The following KCTD18 variants were observed in gnomAD, a reference collection of about 807,000 sequenced individuals.
KCTD18 encodes BTB/POZ domain-containing protein KCTD18.
Under a neutral mutation model 30.4 loss-of-function variants are expected in KCTD18, and 22 were observed. The ratio of observed to expected loss-of-function variants is 0.72; its 90% CI spans 0.52 to 1.03. The LOEUF is 1.03. KCTD18 is among the 50% of genes least tolerant of loss of function. KCTD18 has a pLI of 0.00. For missense variants in KCTD18, 529 were observed against 547.6 expected (o/e 0.97, Z 0.34); for synonymous variants, 186 against 209.0 (o/e 0.89, Z 0.95).
intron 5 of KCTD18, chr2:200,496,656 G>C (rs13426833): frequency 2.6e-5 from 4 of 151,948 alleles, no homozygotes; most frequent in Non-Finnish European, 5.9e-5. Context: ...CACCATGCCC[G>C]GCTAATTTTT....
At chr2:200,499,506 C>A (rs537904087) in intron 3 of KCTD18, among the ~76,000 whole-genome samples, 1 of 152,078 alleles carries the variant, frequency 6.6e-6, no homozygotes, top group Non-Finnish European at 1.5e-5. Context: ...AACACCTCTA[C>A]GCAAATAAAC....
chr2:200,489,575 C>G lies in KCTD18; in HGVS notation c.*525G>C, dbSNP rs2087872838. On this transcript the variant is annotated 3_prime_UTR_variant, in exon 7 of 7. Coordinates refer to ENST00000359878, the MANE Select transcript of KCTD18 (RefSeq NM_152387.4). Reference sequence around the variant, plus strand: ...TTCAATCTATGGGGTTTTTTCCTCCCCATCATTTCTTTTCACGTTGCCTTT... The same window carrying G: ...TTCAATCTATGGGGTTTTTTCCTCCGCATCATTTCTTTTCACGTTGCCTTT... The G allele has an allele frequency of 6.6e-6, 1 of 152,170 alleles. No individual in the cohort carries two copies. Among genetic ancestry groups the G allele is most frequent in the African/African-American group, 2.4e-5 (1 of 41,376 alleles). 9.4% of individuals were successfully genotyped at this position (152,170 alleles called of 1,614,324 possible). A position where few individuals can be genotyped will look rare whatever the true frequency, so the allele number is the denominator to read the frequency against.
At chr2:200,506,079 C>T (rs2106285186) in intron 2 of KCTD18, among the ~76,000 whole-genome samples, 1 of 152,272 alleles carries the variant, frequency 6.6e-6, no homozygotes, top group Non-Finnish European at 1.5e-5. Context: ...ATTTAACCAG[C>T]AAAGCAACCT....
chr2:200,499,824 CA>C (rs1423176263), intron 3 of KCTD18, among the ~76,000 whole-genome samples: 1 of 149,080 alleles, frequency 6.7e-6, no homozygotes, highest in African/African-American at 2.5e-5. Flanking sequence ...GAGACACAAC[CA>C]AAAAAGAGAA....
chr2:200,493,157 C>T lies in KCTD18; in HGVS notation c.764+15G>A. The T allele has an allele frequency of 6.7e-7, 1 of 1,497,952 alleles. No individual in the cohort carries two copies. The highest frequency in any genetic ancestry group is 9.3e-7 in the Non-Finnish European group (1 of 1,074,156). The allele number at this position is 1,497,952 out of a possible 1,614,324, so 92.8% of individuals were successfully genotyped here. On this transcript the variant is annotated intron_variant, in intron 6 of 6. Transcript: ENST00000359878. ...TTAAAAAAACAAAACAAATAAACAA[C>T]ACAGCATAGATAACCTCTTTCGAAT...
At chr2:200,493,433 T>C (rs947791628) in intron 5 of KCTD18, among the ~76,000 whole-genome samples, 159 bp from the exon 6 acceptor site, 1 of 152,192 alleles carries the variant, frequency 6.6e-6, no homozygotes, top group Non-Finnish European at 1.5e-5. Flanking sequence ...CACGAGGAGC[T>C]AGGGCCAGGG....
chr2:200,500,194 G>A (rs1030759789), intron 3 of KCTD18, among the ~76,000 whole-genome samples: 1 of 150,588 alleles, frequency 6.6e-6, no homozygotes, highest in African/African-American at 2.4e-5. Context: ...GGCAAAAACT[G>A]GAAGCATTCC....
At position 200,490,220 on chromosome 2, in the gene KCTD18, G is replaced by A. The variant is rs375312064; in HGVS notation, c.1161C>T (p.Thr387=). ...IKLKRTPLCA[T]APCLPSPTAT... ...CCGTGGGGGAGGGCAGGCAAGGCGC[G>A]GTGGCGCACAGCGGAGTCCTCTTCA... is the stretch of plus-strand genomic sequence containing the variant. Residue 387 remains threonine (T), a synonymous_variant, in exon 7 of 7, where the codon ACC becomes ACT. Coordinates refer to ENST00000359878, the MANE Select transcript of KCTD18 (RefSeq NM_152387.4). 17 of 1,580,272 alleles carry A rather than the reference G, an allele frequency of 1.1e-5. No individual in the cohort carries two copies. In the African/African-American group the frequency reaches 1.6e-4, roughly 15 times the overall value.
chr2:200,493,164 T>G lies in KCTD18; in HGVS notation c.764+8A>C, dbSNP rs1279602483. The stretch of plus-strand genomic sequence containing the variant: ...AACAAAACAAATAAACAACACAGCA[T>G]AGATAACCTCTTTCGAATTGGAGCC... On this transcript the variant is annotated splice_region_variant and intron_variant, in intron 6 of 6. Coordinates refer to ENST00000359878, the MANE Select transcript of KCTD18 (RefSeq NM_152387.4). The G allele has an allele frequency of 6.4e-7, 1 of 1,552,720 alleles. No homozygotes were observed. Among genetic ancestry groups the G allele is most frequent in the South Asian group, 1.1e-5 (1 of 89,816 alleles).
rs372963779 is a variant in KCTD18, at chr2:200,504,889, C to G, written c.231G>C (p.Gln77His). ...YLLDYLHGEVQIPTDEQTRIA... is the reference protein window; with the variant it reads ...YLLDYLHGEVHIPTDEQTRIA... The stretch of plus-strand genomic sequence containing the variant: ...TGCGGGTTTGCTCATCTGTGGGAAT[C>G]TGAACTTCTCCATGAAGGTAATCCA... Residue 77 changes from glutamine (Q) to histidine (H), a missense_variant, in exon 3 of 7, where the codon CAG becomes CAC. Coordinates refer to ENST00000359878, the MANE Select transcript of KCTD18 (RefSeq NM_152387.4). 224 of 1,614,030 alleles carry G rather than the reference C, an allele frequency of 1.4e-4. 1 individual carries two copies. The highest frequency in any genetic ancestry group is 1.9e-4 in the Non-Finnish European group (222 of 1,180,032).
At position 200,490,285 on chromosome 2, in the gene KCTD18, G is replaced by A. The variant is rs544740071; in HGVS notation, c.1096C>T (p.Leu366Phe). The A allele has an allele frequency of 2.5e-6, 4 of 1,614,140 alleles. No homozygotes were observed. Among genetic ancestry groups the A allele is most frequent in the Non-Finnish European group, 3.4e-6 (4 of 1,180,058 alleles). Residue 366 changes from leucine to phenylalanine, a missense_variant, in exon 7 of 7, where the codon CTC (leucine) becomes TTC (phenylalanine). Leu to Phe is a conservative substitution (Grantham distance 22). Transcript: ENST00000359878. ...TGGGGTGTAGGCTTCTTGTCGGAGA[G>A]TAGCACCTTAGCTGGAGGTAAGTGC... ...GTHLPPAKVL[L>F]SDKKPTPQRV...
In KCTD18 at chr2:200,505,464, C is replaced by T. The variant is rs530475358; in HGVS notation, c.161-505G>A. On this transcript the variant is annotated intron_variant, in intron 2 of 6. Coordinates refer to ENST00000359878, the MANE Select transcript of KCTD18 (RefSeq NM_152387.4). ...AGAAACTGAATGAGTCAGTGGTGGA[C>T]CTTTGCGTTCTCACTACCATATGGG... Among the ~76,000 whole-genome samples, 67 of 152,290 alleles carry T rather than the reference C, an allele frequency of 4.4e-4. 1 individual carries two copies. The highest frequency in any genetic ancestry group is 1.6e-3 in the African/African-American group (66 of 41,542).
In KCTD18 at chr2:200,500,245, A is replaced by G. The variant is rs1339679920; in HGVS notation, c.373-1161T>C. Among the ~76,000 whole-genome samples the G allele has an allele frequency of 5.4e-5, 8 of 147,900 alleles. No individual in the cohort carries two copies. In the South Asian group the frequency reaches 1.8e-3, roughly 33 times the overall value. ...CAAGACAGGGATGCCCTCTCTCACC[A>G]CTCCTATTCAACATAGTGTTGGAAG... On this transcript the variant is annotated intron_variant, in intron 3 of 6. Coordinates refer to ENST00000359878, the MANE Select transcript of KCTD18 (RefSeq NM_152387.4).
At chr2:200,493,835 G>A (rs1397750252) in intron 5 of KCTD18, among the ~76,000 whole-genome samples, 3 of 152,182 alleles carry the variant, frequency 2.0e-5, no homozygotes, top group African/African-American at 7.2e-5. Context: ...TAGGGGGTGG[G>A]TTGTAACACT....
chr2:200,492,470 C>T (rs746117069), intron 6 of KCTD18, among the ~76,000 whole-genome samples: 3 of 152,120 alleles, frequency 2.0e-5, no homozygotes, highest in Non-Finnish European at 4.4e-5. Context: ...TCTGTTTTGA[C>T]AAGTGATGGT....
intron 3 of KCTD18, among the ~76,000 whole-genome samples, chr2:200,504,197 G>A (rs1368907725): frequency 6.6e-6 from 1 of 152,142 alleles, no homozygotes; most frequent in Non-Finnish European, 1.5e-5. Flanking sequence ...AGTGGCTCAC[G>A]CCTGTAATCC....
rs779839986 is a variant in KCTD18 at position 200,490,147 on chromosome 2, G to T, written c.1234C>A (p.Arg412Ser). 5.6e-6 allele frequency: 9 copies of T among 1,607,272 alleles called. No homozygotes were observed. The highest frequency in any genetic ancestry group is 5.3e-5 in the African/African-American group (4 of 74,802). Reference sequence around the variant, plus strand: ...TTCTCAGTCCGCACTCCCAAGGCACGGGCAGCTTCGCCGGGAAGCGGCTTG... The same window carrying T: ...TTCTCAGTCCGCACTCCCAAGGCACTGGCAGCTTCGCCGGGAAGCGGCTTG... ...SLKPLPGEAA[R>S]ALGVRTENGK... is the part of the protein sequence containing the mutation. Residue 412 changes from arginine (R) to serine (S), a missense_variant, in exon 7 of 7, where the codon CGT (arginine) becomes AGT (serine). Transcript: ENST00000359878.
intron 1 of KCTD18, among the ~76,000 whole-genome samples, 169 bp downstream of exon 1, chr2:200,509,459 C>A (rs1028169482): frequency 6.6e-6 from 1 of 152,132 alleles, no homozygotes. Context: ...TCCTCCTACC[C>A]CAACCCCAGG....
At position 200,507,035 on chromosome 2, in the gene KCTD18, A is replaced by G; in HGVS notation, c.-19T>C. On this transcript the variant is annotated 5_prime_UTR_variant, in exon 2 of 7. Coordinates refer to ENST00000359878, the MANE Select transcript of KCTD18 (RefSeq NM_152387.4). The stretch of plus-strand genomic sequence containing the variant: ...CTTCCATTTCTCCCCCAGGCACCTG[A>G]ATTTTTGCCGCCCAACACTTTCAGA... 2 of 1,591,700 alleles carry G rather than the reference A, an allele frequency of 1.3e-6. No individual in the cohort carries two copies.
Sources: gnomAD v4.1 joint callset for allele counts (sites outside exome capture counted in the v4.1 genomes callset) on GRCh38, gnomAD v4.1.1 for gene constraint, MANE v1.5 for transcripts, NCBI Gene and HGNC (gene_info 2026-07-23, HGNC 2026-07-21) for gene names.